NRAP: variants seen among roughly 807,000 people sequenced by gnomAD.
NRAP encodes nebulin related anchoring protein.
NRAP carries 189 observed loss-of-function variants against 225.9 expected under a neutral mutation model. That is an observed-to-expected ratio of 0.84 (90% CI 0.74 to 0.94). The LOEUF is 0.94. NRAP is among the 40% of genes least tolerant of loss of function. The pLI, the probability that NRAP is intolerant of heterozygous loss-of-function variation, is 0.00. For synonymous variants in NRAP, 769 were observed against 790.7 expected, an observed-to-expected ratio of 0.97 and a Z score of 0.46; for missense variants, 2,176 against 2,168.7, an observed-to-expected ratio of 1.00 and a Z score of -0.07.
In NRAP at chr10:113,615,807, T is replaced by G. The variant is rs201784502; in HGVS notation, c.2983A>C (p.Arg995=). Residue 995 remains arginine, a synonymous_variant, in exon 27 of 42, where the codon AGG becomes CGG. Coordinates refer to ENST00000359988, the MANE Select transcript of NRAP (RefSeq NM_198060.4). ...TGCTTTATGTTTTCTCCTTGTTCCC[T>G]GTATAATCTCTGTGGATGGAAGGAG... The part of the protein sequence containing the change: ...SYTQAVDRLY[R]EQGENIKHHY... The G allele has an allele frequency of 1.3e-4, 206 of 1,584,258 alleles. 1 individual carries two copies. The East Asian group carries it at 3.4e-3, about 26-fold the overall frequency.
chr10:113,655,309 G>GT (rs1469382621), intron 4 of NRAP, among the ~76,000 whole-genome samples: 4 of 151,888 alleles, frequency 2.6e-5, no homozygotes, highest in Non-Finnish European at 5.9e-5. Flanking sequence ...TAGCAACTTT[G>GT]TTTTTTCATT....
intron 26 of NRAP, 43 bp from the exon 27 acceptor site, chr10:113,615,859 C>A: frequency 9.4e-7 from 1 of 1,068,922 alleles, no homozygotes; most frequent in Non-Finnish European, 1.4e-6. Context: ...AGACCCCATT[C>A]CATGCAGCCA....
intron 39 of NRAP, 80 bp from the exon 40 acceptor site, chr10:113,590,969 G>T: frequency 8.0e-7 from 1 of 1,257,378 alleles, no homozygotes; most frequent in Non-Finnish European, 1.1e-6. Context: ...CCATCCCAGG[G>T]CATTCTCAGC....
At chr10:113,589,836 G>A (rs1386331881) in intron 40 of NRAP, 39 bp from the exon 41 acceptor site, 1 of 1,607,744 alleles carries the variant, frequency 6.2e-7, no homozygotes, top group Non-Finnish European at 8.5e-7. Context: ...TATGTCAGCA[G>A]GGTTTGGAGC....
intron 38 of NRAP, among the ~76,000 whole-genome samples, chr10:113,592,755 G>T (rs1452142678): frequency 6.6e-6 from 1 of 152,152 alleles, no homozygotes; most frequent in Non-Finnish European, 1.5e-5. Context: ...ACATCCGGAG[G>T]GGCCTCAGCC....
At position 113,657,318 on chromosome 10, in the gene NRAP, G is replaced by C. The variant is rs4550160; in HGVS notation, c.360+152C>G. On this transcript the variant is annotated intron_variant, in intron 4 of 41. Coordinates refer to ENST00000359988, the MANE Select transcript of NRAP (RefSeq NM_198060.4). ...TAGAGTTCAGGTGATATTAGGACAC[G>C]CTGATTGAGGTCTTCCATAGACAGC... The C allele has an allele frequency of 6.3e-3, 3,737 of 597,208 alleles. 68 individuals carry two copies. Among genetic ancestry groups the C allele is most frequent in the East Asian group, 0.044 (1,539 of 34,636 alleles). 37.0% of individuals were successfully genotyped at this position (597,208 alleles called of 1,614,324 possible). A position where few individuals can be genotyped will look rare whatever the true frequency, so the allele number is the denominator to read the frequency against.
chr10:113,625,754 G>A (rs1848254556), intron 21 of NRAP, among the ~76,000 whole-genome samples: 1 of 152,170 alleles, frequency 6.6e-6, no homozygotes, highest in Non-Finnish European at 1.5e-5. Flanking sequence ...TTTGATGAGA[G>A]ATAGGAGTCA....
intron 4 of NRAP, 57 bp downstream of exon 4, chr10:113,657,413 A>C: frequency 1.1e-6 from 1 of 891,052 alleles, no homozygotes; most frequent in South Asian, 1.4e-5. Flanking sequence ...AATACACTCA[A>C]TTGACATAGT....
At chr10:113,630,710 A>G (rs1848530839) in intron 18 of NRAP, among the ~76,000 whole-genome samples, 1 of 152,202 alleles carries the variant, frequency 6.6e-6, no homozygotes, top group South Asian at 2.1e-4. Context: ...TTTATGCCTT[A>G]TGACTATGCA....
intron 20 of NRAP, 22 bp downstream of exon 20, chr10:113,628,895 C>A: frequency 7.0e-7 from 1 of 1,426,904 alleles, no homozygotes; most frequent in Admixed American, 1.9e-5. Flanking sequence ...TACTGGAGGC[C>A]AGAGGCCCCA....
At chr10:113,662,850 A>G (rs1198232466) in intron 2 of NRAP, 84 bp from the exon 3 acceptor site, 15 of 616,176 alleles carry the variant, frequency 2.4e-5, no homozygotes, top group Middle Eastern at 6.7e-4. Flanking sequence ...ATTTTTAAAT[A>G]ATAACAGTTA....
intron 31 of NRAP, among the ~76,000 whole-genome samples, chr10:113,610,050 G>A (rs999269470): frequency 2.6e-5 from 4 of 152,050 alleles, no homozygotes; most frequent in African/African-American, 9.7e-5. Context: ...GGCTTTAGTG[G>A]TAAGAAACAA....
intron 18 of NRAP, 72 bp from the exon 19 acceptor site, chr10:113,629,857 A>T: frequency 1.8e-6 from 2 of 1,090,762 alleles, no homozygotes; most frequent in Non-Finnish European, 2.8e-6. Context: ...GTGAAAATGC[A>T]GGAAAGATTT....
chr10:113,596,850 C>T (rs911829098), intron 37 of NRAP, among the ~76,000 whole-genome samples: 11 of 152,130 alleles, frequency 7.2e-5, no homozygotes, highest in African/African-American at 2.7e-4. Flanking sequence ...CTATTATTAT[C>T]CTCCCCGAAA....
Position 113,638,231 on chromosome 10 carries a change from A to G in NRAP, c.1428+1996T>C, listed in dbSNP as rs73354079. On this transcript the variant is annotated intron_variant, in intron 14 of 41. Coordinates refer to ENST00000359988, the MANE Select transcript of NRAP (RefSeq NM_198060.4). ...TGCATTAAGTATGTTACTGAGCACA[A>G]TTACTTTACTCTGTGGGACATAATT... 7.5e-3 allele frequency among the ~76,000 whole-genome samples: 1,141 copies of G among 152,322 alleles called. 16 individuals carry two copies. Among genetic ancestry groups the G allele is most frequent in the African/African-American group, 0.025 (1,051 of 41,558 alleles).
chr10:113,611,813 T>C (rs1847340845), intron 30 of NRAP, among the ~76,000 whole-genome samples: 1 of 152,146 alleles, frequency 6.6e-6, no homozygotes, highest in Admixed American at 6.5e-5. Context: ...CATTGGCAAA[T>C]CTTAAACATG....
In NRAP at chr10:113,608,975, A is replaced by G. The variant is rs1847169029; in HGVS notation, c.3604-463T>C. 2.0e-5 allele frequency among the ~76,000 whole-genome samples: 3 copies of G among 152,202 alleles called. No individual in the cohort carries two copies. In the South Asian group the frequency reaches 6.2e-4, roughly 31 times the overall value. On this transcript the variant is annotated intron_variant, in intron 31 of 41. Transcript: ENST00000359988. Reference sequence around the variant, plus strand: ...GGAGTTCGAGACCATCCAGGCCAACATGGCGAAACCCTGTCTCTACTAAAA... The same window carrying G: ...GGAGTTCGAGACCATCCAGGCCAACGTGGCGAAACCCTGTCTCTACTAAAA...
intron 14 of NRAP, among the ~76,000 whole-genome samples, chr10:113,638,150 T>A (rs1037955449): frequency 2.6e-5 from 4 of 152,198 alleles, no homozygotes; most frequent in African/African-American, 9.6e-5. Context: ...GAATTATGCA[T>A]GATAAAATGT....
intron 3 of NRAP, 45 bp from the exon 4 acceptor site, chr10:113,657,619 G>GA (rs752901724): frequency 4.1e-5 from 47 of 1,141,066 alleles, no homozygotes; most frequent in Admixed American, 2.2e-4. Context: ...TCAGAAAAGA[G>GA]AAAAAAACAT....
Sources: allele counts gnomAD v4.1 joint callset (sites outside exome capture counted in the v4.1 genomes callset), GRCh38; gene constraint gnomAD v4.1.1; transcripts MANE v1.5; gene names NCBI Gene and HGNC (gene_info 2026-07-23, HGNC 2026-07-21).